The following COL23A1 variants were observed in gnomAD, a reference collection of about 807,000 sequenced individuals.
COL23A1 encodes collagen type XXIII alpha 1 chain, also known as collagen alpha-1(XXIII) chain.
COL23A1 carries 97 observed loss-of-function variants against 99.3 expected under a neutral mutation model. The observed-to-expected ratio is 0.98, with a 90% CI of 0.83 to 1.16. The LOEUF (loss-of-function observed/expected upper bound fraction) is 1.16, where lower values mean the gene tolerates loss of function less well. COL23A1 is among the 50% of genes most tolerant of loss of function. COL23A1 has a pLI of 0.00. For missense variants in COL23A1, 762 were observed against 757.4 expected (o/e 1.01, Z -0.07); for synonymous variants, 320 against 308.2 (o/e 1.04, Z -0.40).
At chr5:178,508,225 G>A (rs1417840573) in intron 2 of COL23A1, among the ~76,000 whole-genome samples, 1 of 151,924 alleles carries the variant, frequency 6.6e-6, no homozygotes, top group Non-Finnish European at 1.5e-5. Context: ...TTCCATTTCT[G>A]TATTAAGACT....
At chr5:178,490,788 A>G (rs889940439) in intron 2 of COL23A1, among the ~76,000 whole-genome samples, 1 of 152,168 alleles carries the variant, frequency 6.6e-6, no homozygotes, top group African/African-American at 2.4e-5. Flanking sequence ...AAAGAAAAAA[A>G]GATTTAAATG....
intron 1 of COL23A1, chr5:178,561,912 A>T: frequency 3.1e-6 from 1 of 327,164 alleles, no homozygotes; most frequent in Non-Finnish European, 6.1e-6. Context: ...GGGCACCTCC[A>T]GCCACCGGAA....
At chr5:178,343,912 T>C (rs569661847) in intron 2 of COL23A1, among the ~76,000 whole-genome samples, 2 of 152,062 alleles carry the variant, frequency 1.3e-5, no homozygotes, top group African/African-American at 2.4e-5. Flanking sequence ...CTGCCCACCT[T>C]GGCCTCCCAA....
chr5:178,376,649 G>A (rs1763085632), intron 2 of COL23A1, among the ~76,000 whole-genome samples: 1 of 152,210 alleles, frequency 6.6e-6, no homozygotes, highest in South Asian at 2.1e-4. Context: ...AAGAGAAATC[G>A]GAAGCTCTGA....
chr5:178,480,358 C>T (rs1445812667), intron 2 of COL23A1, among the ~76,000 whole-genome samples: 3 of 152,114 alleles, frequency 2.0e-5, no homozygotes, highest in African/African-American at 7.2e-5. Flanking sequence ...CCGGTCACCT[C>T]GGAGTCTTCA....
intron 1 of COL23A1, among the ~76,000 whole-genome samples, chr5:178,568,536 C>A (rs1032220101): frequency 3.7e-5 from 5 of 135,782 alleles, no homozygotes; most frequent in Non-Finnish European, 6.3e-5. Flanking sequence ...TATACAATCA[C>A]CCCCTCTATT....
At chr5:178,490,043 G>A (rs1460727259) in intron 2 of COL23A1, among the ~76,000 whole-genome samples, 2 of 151,970 alleles carry the variant, frequency 1.3e-5, no homozygotes, top group African/African-American at 2.4e-5. Flanking sequence ...AGACCAGCCT[G>A]GCCAAAATGG....
intron 2 of COL23A1, among the ~76,000 whole-genome samples, chr5:178,485,575 C>T (rs1757579716): frequency 6.6e-6 from 1 of 152,026 alleles, no homozygotes; most frequent in South Asian, 2.1e-4. Flanking sequence ...GAGTTCGAGA[C>T]CAGCCTGGCC....
intron 1 of COL23A1, among the ~76,000 whole-genome samples, chr5:178,584,964 G>C (rs1763847391): frequency 6.6e-6 from 1 of 152,140 alleles, no homozygotes; most frequent in South Asian, 2.1e-4. Context: ...GCCACCCTTA[G>C]TCACTCACTT....
At chr5:178,562,141 C>A (rs1762593608) in intron 1 of COL23A1, 1 of 507,654 alleles carries the variant, frequency 2.0e-6, no homozygotes, top group Non-Finnish European at 3.8e-6. Context: ...GCTTGGGAGA[C>A]TGAGGCTGGA....
At chr5:178,247,995 G>C (rs1162765854) in intron 20 of COL23A1, among the ~76,000 whole-genome samples, 164 bp from the exon 21 acceptor site, 1 of 152,200 alleles carries the variant, frequency 6.6e-6, no homozygotes, top group Non-Finnish European at 1.5e-5. Context: ...ATAGTGAGCC[G>C]AGGTTGTGCC....
chr5:178,346,269 T>C (rs962602682), intron 2 of COL23A1, among the ~76,000 whole-genome samples: 109 of 152,354 alleles, frequency 7.2e-4, no homozygotes, highest in African/African-American at 2.5e-3. Context: ...AGTTTCGTTC[T>C]GTCGCCCAGG....
chr5:178,483,106 A>AT (rs1562011698), intron 2 of COL23A1, among the ~76,000 whole-genome samples: 1 of 152,132 alleles, frequency 6.6e-6, no homozygotes, highest in African/African-American at 2.4e-5. Flanking sequence ...AAAATGTCAT[A>AT]TTTTATGTTA....
At chr5:178,443,076 A>C (rs1340939467) in intron 2 of COL23A1, 1 of 152,300 alleles carries the variant, frequency 6.6e-6, no homozygotes. Flanking sequence ...CACTGCCTTC[A>C]TTTGAGCTCT....
At chr5:178,418,125 A>G (rs532750447) in intron 2 of COL23A1, among the ~76,000 whole-genome samples, 1 of 152,328 alleles carries the variant, frequency 6.6e-6, no homozygotes, top group South Asian at 2.1e-4. Flanking sequence ...TTACTGTGTG[A>G]TCTTGGATAA....
intron 2 of COL23A1, among the ~76,000 whole-genome samples, chr5:178,494,341 T>C (rs1428530952): frequency 6.6e-6 from 1 of 152,104 alleles, no homozygotes. Context: ...ACTGGCCCAA[T>C]AGCAGCAGGT....
intron 2 of COL23A1, among the ~76,000 whole-genome samples, chr5:178,477,352 A>G (rs1450837142): frequency 1.3e-5 from 2 of 152,204 alleles, no homozygotes. Context: ...GAGGCTTGTC[A>G]GGCATGGATC....
chr5:178,242,485 C>G (rs1027908539), intron 25 of COL23A1, 91 bp from the exon 26 acceptor site: 17 of 1,294,962 alleles, frequency 1.3e-5, no homozygotes, highest in Non-Finnish European at 1.9e-5. Flanking sequence ...CCCATCCACA[C>G]GCCCACTTTC....
intron 2 of COL23A1, among the ~76,000 whole-genome samples, chr5:178,403,973 A>G (rs1764612340): frequency 6.6e-6 from 1 of 152,220 alleles, no homozygotes; most frequent in Non-Finnish European, 1.5e-5. Context: ...TTTTCTAAAG[A>G]GAAGTTCAAA....
Sources: allele counts gnomAD v4.1 joint callset (sites outside exome capture counted in the v4.1 genomes callset), GRCh38; gene constraint gnomAD v4.1.1; transcripts MANE v1.5; gene names NCBI Gene and HGNC (gene_info 2026-07-23, HGNC 2026-07-21).